The following ZNF804B variants were observed in gnomAD, a reference collection of about 807,000 sequenced individuals.
ZNF804B encodes the protein zinc finger 804B.
ZNF804B carries 80 observed loss-of-function variants against 101.4 expected under a neutral mutation model. The ratio of observed to expected loss-of-function variants is 0.79; its 90% CI spans 0.66 to 0.95. The LOEUF (loss-of-function observed/expected upper bound fraction) is 0.95. ZNF804B is among the 40% of genes least tolerant of loss of function. The pLI is 0.00. For synonymous variants in ZNF804B, 622 were observed against 558.8 expected, an observed-to-expected ratio of 1.11 and a Z score of -1.59; for missense variants, 1,673 against 1,561.9, an observed-to-expected ratio of 1.07 and a Z score of -1.20.
intron 1 of ZNF804B, among the ~76,000 whole-genome samples, chr7:89,115,844 A>T (rs957897106): frequency 3.9e-5 from 6 of 152,044 alleles, no homozygotes; most frequent in African/African-American, 1.4e-4. Context: ...CTTTAAAGTC[A>T]AGTCAACATT....
chr7:88,874,487 G>C (rs1386686872), intron 1 of ZNF804B, among the ~76,000 whole-genome samples: 2 of 152,000 alleles, frequency 1.3e-5, no homozygotes, highest in African/African-American at 4.8e-5. Flanking sequence ...AATTGCCCTG[G>C]CTAGAACTTC....
chr7:88,912,133 C>G (rs1240813260), intron 1 of ZNF804B, among the ~76,000 whole-genome samples: 1 of 151,944 alleles, frequency 6.6e-6, no homozygotes, highest in Admixed American at 6.6e-5. Flanking sequence ...ATTTTGCACT[C>G]TCATCAGAAA....
intron 1 of ZNF804B, among the ~76,000 whole-genome samples, chr7:88,966,804 T>C (rs1171588424): frequency 2.6e-5 from 4 of 151,410 alleles, no homozygotes; most frequent in African/African-American, 9.7e-5. Flanking sequence ...CAGAGAGAGA[T>C]TAAAAAAACA....
intron 1 of ZNF804B, among the ~76,000 whole-genome samples, chr7:88,774,761 T>C (rs1790118167): frequency 6.6e-6 from 1 of 152,136 alleles, no homozygotes; most frequent in Non-Finnish European, 1.5e-5. Flanking sequence ...GGTTCTGCTT[T>C]GATGGGGTAG....
chr7:88,904,577 C>G (rs1792440159), intron 1 of ZNF804B, among the ~76,000 whole-genome samples: 1 of 152,154 alleles, frequency 6.6e-6, no homozygotes, highest in African/African-American at 2.4e-5. Flanking sequence ...TTCTTCCAAT[C>G]CATGAGCATG....
At chr7:89,078,710 A>G (rs889165829) in intron 1 of ZNF804B, among the ~76,000 whole-genome samples, 6 of 150,414 alleles carry the variant, frequency 4.0e-5, no homozygotes, top group Admixed American at 6.6e-5. Context: ...TATTGCCTCT[A>G]AAAGTATGTC....
chr7:88,877,023 TATA>T lies in ZNF804B; in HGVS notation c.108+116943_108+116945del, dbSNP rs1268071191. Among the ~76,000 whole-genome samples, 564 of 72,762 alleles carry T rather than the reference TATA, an allele frequency of 7.8e-3. 6 individuals carry two copies. Among genetic ancestry groups the T allele is most frequent in the Non-Finnish European group, 9.3e-3 (402 of 43,400 alleles). The allele number at this position is 72,762 out of a possible 152,430, so 47.7% of individuals were successfully genotyped here. A position where few individuals can be genotyped will look rare whatever the true frequency, so the allele number is the denominator to read the frequency against. The stretch of plus-strand genomic sequence containing the variant: ...GAAAAAAAAAATATATATATATATA[TATA>T]ATATATATATATATATATATATATT... On this transcript the variant is annotated intron_variant, in intron 1 of 3. Transcript: ENST00000333190.
chr7:89,143,219 T>C (rs1340458873), intron 1 of ZNF804B, among the ~76,000 whole-genome samples: 1 of 151,936 alleles, frequency 6.6e-6, no homozygotes, highest in African/African-American at 2.4e-5. Context: ...AACGATGGTA[T>C]AATGAGCTTG....
chr7:88,934,769 T>G (rs1031408048), intron 1 of ZNF804B, among the ~76,000 whole-genome samples: 3 of 151,912 alleles, frequency 2.0e-5, no homozygotes, highest in African/African-American at 7.2e-5. Context: ...TGTTGAAAAG[T>G]GAACACCTTT....
chr7:88,779,027 AAAGT>A (rs1439968096), intron 1 of ZNF804B, among the ~76,000 whole-genome samples: 1 of 152,248 alleles, frequency 6.6e-6, no homozygotes, highest in East Asian at 1.9e-4. Context: ...AAAAGTAATC[AAAGT>A]AAGTACTTTT....
chr7:89,094,613 A>G (rs2116329978), intron 1 of ZNF804B, among the ~76,000 whole-genome samples: 1 of 152,254 alleles, frequency 6.6e-6, no homozygotes, highest in South Asian at 2.1e-4. Flanking sequence ...ACCCTGATTG[A>G]TGGAAACTCT....
chr7:88,981,042 A>G (rs1048907313), intron 1 of ZNF804B, among the ~76,000 whole-genome samples: 1 of 151,820 alleles, frequency 6.6e-6, no homozygotes, highest in African/African-American at 2.4e-5. Context: ...AGTCCTTGTC[A>G]CTCTTCCCTC....
chr7:89,254,710 A>G (rs1426134305), intron 2 of ZNF804B, among the ~76,000 whole-genome samples: 1 of 151,520 alleles, frequency 6.6e-6, no homozygotes, highest in Non-Finnish European at 1.5e-5. Context: ...TGGTGGCACA[A>G]TCTTGGCTCA....
chr7:88,970,722 A>G (rs1324720031), intron 1 of ZNF804B, among the ~76,000 whole-genome samples: 1 of 150,386 alleles, frequency 6.6e-6, no homozygotes, highest in Non-Finnish European at 1.5e-5. Flanking sequence ...CAAGGACAAA[A>G]AAACCAAACA....
chr7:89,222,374 C>A (rs903898781), intron 2 of ZNF804B, among the ~76,000 whole-genome samples: 1 of 151,916 alleles, frequency 6.6e-6, no homozygotes, highest in African/African-American at 2.4e-5. Flanking sequence ...AAACTGGACT[C>A]CCCACCTCCA....
chr7:89,261,156 A>G (rs1789707206), intron 2 of ZNF804B, among the ~76,000 whole-genome samples: 1 of 152,190 alleles, frequency 6.6e-6, no homozygotes, highest in Admixed American at 6.5e-5. Flanking sequence ...AGTTAATTTT[A>G]TGCAGTTATG....
chr7:88,776,199 C>T (rs948900665), intron 1 of ZNF804B, among the ~76,000 whole-genome samples: 17 of 152,194 alleles, frequency 1.1e-4, no homozygotes, highest in Non-Finnish European at 1.3e-4. Context: ...ATGAAAGGAG[C>T]TGATGATTAC....
chr7:89,166,286 C>T (rs564690105), intron 1 of ZNF804B, among the ~76,000 whole-genome samples: 1 of 152,152 alleles, frequency 6.6e-6, no homozygotes, highest in Non-Finnish European at 1.5e-5. Context: ...GGGCACCAAA[C>T]CCCTGCACAG....
intron 2 of ZNF804B, among the ~76,000 whole-genome samples, chr7:89,247,409 T>A (rs1789466228): frequency 6.6e-6 from 1 of 152,154 alleles, no homozygotes; most frequent in African/African-American, 2.4e-5. Flanking sequence ...AGCTCTTAAC[T>A]ATAAGCACCA....
Sources: allele counts gnomAD v4.1 joint callset (sites outside exome capture counted in the v4.1 genomes callset), GRCh38; gene constraint gnomAD v4.1.1; transcripts MANE v1.5; gene names NCBI Gene and HGNC (gene_info 2026-07-23, HGNC 2026-07-21).